The following UBE2K variants were observed in gnomAD, a reference collection of about 807,000 sequenced individuals.
UBE2K encodes ubiquitin-conjugating enzyme E2 K.
A neutral mutation model predicts 30.0 loss-of-function variants in UBE2K; 6 were observed. The observed-to-expected ratio is 0.20, with a 90% CI of 0.11 to 0.39. UBE2K has a LOEUF of 0.39. Among genes scored for constraint, UBE2K ranks in the 10% least tolerant of loss-of-function variants. The pLI is 1.00. For missense variants in UBE2K, 61 were observed against 241.6 expected (o/e 0.25, Z 4.96); for synonymous variants, 86 against 83.7 (o/e 1.03, Z -0.15).
intron 4 of UBE2K, among the ~76,000 whole-genome samples, chr4:39,759,663 T>C (rs940017173): frequency 6.6e-6 from 1 of 152,174 alleles, no homozygotes; most frequent in Admixed American, 6.5e-5. Flanking sequence ...TTACTATGAC[T>C]AATGGTGTCT....
intron 4 of UBE2K, among the ~76,000 whole-genome samples, 172 bp downstream of exon 4, chr4:39,755,911 C>A (rs894938634): frequency 1.3e-5 from 2 of 152,174 alleles, no homozygotes; most frequent in African/African-American, 2.4e-5. Flanking sequence ...AGATCACAAT[C>A]CATATTTAAA....
At chr4:39,733,860 C>G (rs1350644864) in intron 1 of UBE2K, among the ~76,000 whole-genome samples, 1 of 152,152 alleles carries the variant, frequency 6.6e-6, no homozygotes, top group Non-Finnish European at 1.5e-5. Flanking sequence ...TGTCATCTTT[C>G]ACCATTCTCC....
At chr4:39,747,739 C>T (rs929993036) in intron 3 of UBE2K, among the ~76,000 whole-genome samples, 1 of 152,056 alleles carries the variant, frequency 6.6e-6, no homozygotes, top group African/African-American at 2.4e-5. Flanking sequence ...GCCTCAGCCT[C>T]CCAAGTAGCT....
At chr4:39,751,300 C>A (rs956367779) in intron 3 of UBE2K, among the ~76,000 whole-genome samples, 3 of 152,060 alleles carry the variant, frequency 2.0e-5, no homozygotes, top group Non-Finnish European at 4.4e-5. Flanking sequence ...AGAATTAGTT[C>A]AGTAATTTAA....
intron 1 of UBE2K, among the ~76,000 whole-genome samples, chr4:39,721,343 T>C (rs1292291323): frequency 6.6e-6 from 1 of 151,820 alleles, no homozygotes; most frequent in East Asian, 1.9e-4. Flanking sequence ...GGGGCTAGAG[T>C]TGAATAGGGA....
At chr4:39,755,113 A>G (rs1434173464) in intron 3 of UBE2K, among the ~76,000 whole-genome samples, 1 of 152,210 alleles carries the variant, frequency 6.6e-6, no homozygotes, top group African/African-American at 2.4e-5. Context: ...CTTAAACTCT[A>G]AGCCTTAGTA....
intron 1 of UBE2K, among the ~76,000 whole-genome samples, chr4:39,704,249 C>T (rs1335138665): frequency 6.6e-6 from 1 of 151,924 alleles, no homozygotes; most frequent in Non-Finnish European, 1.5e-5. Flanking sequence ...GAGCAACACA[C>T]TGTCTCCAAA....
At chr4:39,732,672 C>CCTT (rs1720137437) in intron 1 of UBE2K, among the ~76,000 whole-genome samples, 1 of 115,102 alleles carries the variant, frequency 8.7e-6, no homozygotes, top group Non-Finnish European at 1.7e-5. Context: ...CTTCTTCCCT[C>CCTT]TTTTTTTTTT....
intron 4 of UBE2K, among the ~76,000 whole-genome samples, chr4:39,771,524 G>A (rs1195404232): frequency 1.3e-5 from 2 of 151,984 alleles, no homozygotes; most frequent in South Asian, 2.1e-4. Context: ...GGCCGGAAGC[G>A]CCCCCCACAC....
intron 1 of UBE2K, among the ~76,000 whole-genome samples, chr4:39,711,593 G>C (rs1449872953): frequency 6.6e-6 from 1 of 151,966 alleles, no homozygotes; most frequent in African/African-American, 2.4e-5. Flanking sequence ...TTAGATAAAA[G>C]GATGTACTGG....
At chr4:39,755,894 A>G (rs565093362) in intron 4 of UBE2K, among the ~76,000 whole-genome samples, 155 bp downstream of exon 4, 2 of 152,360 alleles carry the variant, frequency 1.3e-5, no homozygotes, top group African/African-American at 4.8e-5. Flanking sequence ...AAAATGCATT[A>G]TAATTGAGAT....
At chr4:39,768,607 C>T (rs960638308) in intron 4 of UBE2K, among the ~76,000 whole-genome samples, 3 of 152,014 alleles carry the variant, frequency 2.0e-5, no homozygotes, top group African/African-American at 7.2e-5. Flanking sequence ...GTCTCAAACC[C>T]CTGGGTTCAA....
intron 3 of UBE2K, among the ~76,000 whole-genome samples, chr4:39,753,432 G>A (rs544247056): frequency 2.6e-3 from 394 of 152,266 alleles, no homozygotes; most frequent in African/African-American, 9.2e-3. Context: ...TTGATATTTA[G>A]CCTTATAATA....
chr4:39,698,437 A>G (rs1334993410), intron 1 of UBE2K, 47 bp downstream of exon 1: 2 of 1,567,994 alleles, frequency 1.3e-6, no homozygotes, highest in Non-Finnish European at 1.7e-6. Flanking sequence ...CTGGGGCGGG[A>G]GGGTCCTCCC....
intron 1 of UBE2K, among the ~76,000 whole-genome samples, chr4:39,706,696 G>T (rs1718386869): frequency 6.6e-6 from 1 of 151,516 alleles, no homozygotes; most frequent in Non-Finnish European, 1.5e-5. Context: ...GTCTCCCAAA[G>T]TGATAAGATT....
At position 39,778,437 on chromosome 4, in the gene UBE2K, CAT is replaced by C. The variant is rs778574243; in HGVS notation, c.*5_*6del. On this transcript the variant is annotated 3_prime_UTR_variant, in exon 7 of 7. Transcript: ENST00000261427. ...CAGAATTGCTTCTGAGTAACTGAGGCATAGAGAGCTGCTGATATAGTCAAGCT... is the reference window on the plus strand; with the variant it reads ...CAGAATTGCTTCTGAGTAACTGAGGCAGAGAGCTGCTGATATAGTCAAGCT... 1 of 1,604,112 alleles carries C rather than the reference CAT, an allele frequency of 6.2e-7. No individual in the cohort carries two copies. The highest frequency in any genetic ancestry group is 2.2e-5 in the East Asian group (1 of 44,736).
chr4:39,722,283 T>C (rs1022421928), intron 1 of UBE2K, among the ~76,000 whole-genome samples: 1 of 152,168 alleles, frequency 6.6e-6, no homozygotes, highest in African/African-American at 2.4e-5. Context: ...CTAGTTTAGG[T>C]GTAAAGGTTT....
At chr4:39,720,883 A>G (rs546801654) in intron 1 of UBE2K, among the ~76,000 whole-genome samples, 1 of 152,214 alleles carries the variant, frequency 6.6e-6, no homozygotes, top group East Asian at 1.9e-4. Flanking sequence ...AGCTAGTACT[A>G]CAGGTAGACA....
chr4:39,701,041 A>G (rs992841157), intron 1 of UBE2K, among the ~76,000 whole-genome samples: 3 of 147,358 alleles, frequency 2.0e-5, no homozygotes, highest in Non-Finnish European at 4.4e-5. Flanking sequence ...TGGGGTATAG[A>G]TATTTTTTGA....
Sources: gnomAD v4.1 joint callset for allele counts (sites outside exome capture counted in the v4.1 genomes callset) on GRCh38, gnomAD v4.1.1 for gene constraint, MANE v1.5 for transcripts, NCBI Gene and HGNC (gene_info 2026-07-23, HGNC 2026-07-21) for gene names.